PLD5: variants seen among roughly 807,000 people sequenced by gnomAD.
PLD5 encodes phospholipase D family member 5.
PLD5 carries 36 observed loss-of-function variants against 61.1 expected under a neutral mutation model. That is an observed-to-expected ratio of 0.59 (90% CI 0.45 to 0.78). PLD5 has a LOEUF of 0.78. PLD5 is among the 30% of genes least tolerant of loss of function. PLD5 has a pLI of 0.00. For synonymous variants in PLD5, 243 were observed against 242.8 expected, an observed-to-expected ratio of 1.00 and a Z score of -0.01; for missense variants, 515 against 644.4, an observed-to-expected ratio of 0.80 and a Z score of 2.17.
intron 5 of PLD5, among the ~76,000 whole-genome samples, chr1:242,195,315 T>C (rs1429294761): frequency 6.6e-6 from 1 of 152,212 alleles, no homozygotes; most frequent in Non-Finnish European, 1.5e-5. Flanking sequence ...ATGTGGGGTT[T>C]CTTGTCTCAG....
chr1:242,441,280 ACCTACTG>A (rs1364810299), intron 1 of PLD5, among the ~76,000 whole-genome samples: 1 of 152,092 alleles, frequency 6.6e-6, no homozygotes, highest in Non-Finnish European at 1.5e-5. Context: ...GAAAGATTTA[ACCTACTG>A]CCATTAGTAA....
At chr1:242,231,926 C>G (rs1671330401) in intron 4 of PLD5, among the ~76,000 whole-genome samples, 1 of 143,492 alleles carries the variant, frequency 7.0e-6, no homozygotes, top group South Asian at 2.2e-4. Context: ...AAAGGGATCT[C>G]TTTTAAAATA....
At chr1:242,449,248 G>A (rs1666681740) in intron 1 of PLD5, 2 of 1,398,762 alleles carry the variant, frequency 1.4e-6, no homozygotes, top group Non-Finnish European at 2.0e-6. Flanking sequence ...CAGAGCTCAA[G>A]TGACTGTTCA....
intron 5 of PLD5, among the ~76,000 whole-genome samples, chr1:242,164,385 C>CAGTG (rs1666143892): frequency 7.3e-6 from 1 of 136,108 alleles, no homozygotes; most frequent in Admixed American, 7.5e-5. Flanking sequence ...TAAATTTTTC[C>CAGTG]AGTGAATTGA....
chr1:242,262,858 T>C (rs1673450549), intron 4 of PLD5, among the ~76,000 whole-genome samples: 1 of 151,950 alleles, frequency 6.6e-6, no homozygotes, highest in Admixed American at 6.6e-5. Context: ...GTGGAGATGG[T>C]TAGGAAGTGA....
intron 1 of PLD5, among the ~76,000 whole-genome samples, chr1:242,370,917 C>T (rs1399683876): frequency 6.6e-6 from 1 of 152,074 alleles, no homozygotes; most frequent in Non-Finnish European, 1.5e-5. Flanking sequence ...CAAAATAAGT[C>T]CAAGTTCTTT....
In PLD5 at chr1:242,515,966, T is replaced by A. The variant is rs77807599; in HGVS notation, c.189+8122A>T. Among the ~76,000 whole-genome samples, 1,165 of 152,298 alleles carry A rather than the reference T, an allele frequency of 7.6e-3. 53 individuals are homozygous for A. Among genetic ancestry groups the A allele is most frequent in the Admixed American group, 0.053 (808 of 15,304 alleles). ...ATTTTCATCAATACTTTGGTCACTG[T>A]CAATTATTTTATTTTAATTTCAGCC... On this transcript the variant is annotated intron_variant, in intron 1 of 9. Transcript: ENST00000536534.
chr1:242,523,094 C>T lies in PLD5; in HGVS notation c.189+994G>A, dbSNP rs537545042. On this transcript the variant is annotated intron_variant, in intron 1 of 9. Coordinates refer to ENST00000536534, the MANE Select transcript of PLD5 (RefSeq NM_001372062.1). ...TGCAGCAGTTGGAAATGCGTGAGTT[C>T]CAGGAGTTCTTGGTCTTATCTTTTT... Among the ~76,000 whole-genome samples, 60 of 152,212 alleles carry T rather than the reference C, an allele frequency of 3.9e-4. 1 individual carries two copies. The highest frequency in any genetic ancestry group is 1.3e-3 in the African/African-American group (54 of 41,532).
chr1:242,147,873 T>C (rs1280655957), intron 5 of PLD5, among the ~76,000 whole-genome samples: 1 of 152,136 alleles, frequency 6.6e-6, no homozygotes, highest in Non-Finnish European at 1.5e-5. Flanking sequence ...TCCTATTAAA[T>C]TTTGAGAGTT....
chr1:242,493,024 C>T (rs1369228939), intron 1 of PLD5, among the ~76,000 whole-genome samples: 1 of 152,112 alleles, frequency 6.6e-6, no homozygotes, highest in Admixed American at 6.5e-5. Context: ...TTTGAATACA[C>T]TGCAAAAGAA....
At chr1:242,263,673 T>C (rs1673496251) in intron 4 of PLD5, among the ~76,000 whole-genome samples, 1 of 152,212 alleles carries the variant, frequency 6.6e-6, no homozygotes, top group Non-Finnish European at 1.5e-5. Context: ...AGAAGTCTTA[T>C]TATATTTCAA....
chr1:242,287,479 GT>G (rs1031579332), intron 3 of PLD5, among the ~76,000 whole-genome samples: 1 of 151,978 alleles, frequency 6.6e-6, no homozygotes, highest in African/African-American at 2.4e-5. Flanking sequence ...CGTGTTTTTT[GT>G]TTTTTGTTTT....
At chr1:242,286,809 C>A (rs891406093) in intron 3 of PLD5, among the ~76,000 whole-genome samples, 5 of 152,250 alleles carry the variant, frequency 3.3e-5, no homozygotes, top group South Asian at 2.1e-4. Context: ...AAAGAGCCCA[C>A]GTAAGAGCAA....
chr1:242,325,473 A>AG (rs1237310930), intron 2 of PLD5, among the ~76,000 whole-genome samples: 2 of 96,960 alleles, frequency 2.1e-5, no homozygotes, highest in East Asian at 3.4e-4. Flanking sequence ...CAGAGAGAGT[A>AG]GGGGGGAGAG....
intron 5 of PLD5, among the ~76,000 whole-genome samples, chr1:242,187,701 A>C (rs1176285032): frequency 1.3e-5 from 2 of 152,196 alleles, no homozygotes; most frequent in Non-Finnish European, 2.9e-5. Context: ...ATTATAAATA[A>C]ATCTCCAGAC....
intron 2 of PLD5, among the ~76,000 whole-genome samples, chr1:242,331,255 C>T (rs1380493385): frequency 2.0e-5 from 3 of 152,170 alleles, no homozygotes; most frequent in Non-Finnish European, 2.9e-5. Flanking sequence ...CATGGTGTCT[C>T]AAGTTTTGCA....
intron 5 of PLD5, among the ~76,000 whole-genome samples, chr1:242,170,699 G>A (rs1453724953): frequency 2.0e-5 from 3 of 152,204 alleles, no homozygotes; most frequent in Admixed American, 2.0e-4. Flanking sequence ...AACCAGTTTA[G>A]AGAAGAATGT....
chr1:242,384,514 A>G (rs1662484762), intron 1 of PLD5, among the ~76,000 whole-genome samples: 1 of 152,256 alleles, frequency 6.6e-6, no homozygotes, highest in Admixed American at 6.5e-5. Context: ...TCCACTGGCT[A>G]AATCCAATTC....
At chr1:242,128,876 A>G (rs1663012847) in intron 5 of PLD5, among the ~76,000 whole-genome samples, 1 of 152,202 alleles carries the variant, frequency 6.6e-6, no homozygotes, top group Non-Finnish European at 1.5e-5. Flanking sequence ...ATTGCTGTGA[A>G]GAATAAATGA....
Sources: gnomAD v4.1 joint callset for allele counts (sites outside exome capture counted in the v4.1 genomes callset) on GRCh38, gnomAD v4.1.1 for gene constraint, MANE v1.5 for transcripts, NCBI Gene and HGNC (gene_info 2026-07-23, HGNC 2026-07-21) for gene names.